Variants in CTNNA2 observed in about 807,000 individuals in gnomAD.
The protein encoded by CTNNA2 is catenin alpha-2.
In CTNNA2, 42 loss-of-function variants were observed where a neutral mutation model predicts 101.0. The observed-to-expected ratio is 0.42, with a 90% CI of 0.32 to 0.54. The LOEUF (loss-of-function observed/expected upper bound fraction) is 0.54. Among genes scored for constraint, CTNNA2 ranks in the 20% least tolerant of loss-of-function variants. The pLI is 0.14. For synonymous variants in CTNNA2, 450 were observed against 456.4 expected (o/e 0.99, Z 0.18); for missense variants, 871 against 1,223.1 (o/e 0.71, Z 4.29).
At chr2:80,406,702 C>T (rs1353738837) in intron 8 of CTNNA2, among the ~76,000 whole-genome samples, 2 of 151,378 alleles carry the variant, frequency 1.3e-5, no homozygotes, top group Non-Finnish European at 2.9e-5. Flanking sequence ...TGGCGGGCGC[C>T]TGTAGTCCCA....
chr2:79,842,009 T>G (rs1228215262), intron 3 of CTNNA2, among the ~76,000 whole-genome samples: 1 of 152,214 alleles, frequency 6.6e-6, no homozygotes, highest in African/African-American at 2.4e-5. Context: ...TCTCCTACTT[T>G]ATATATCCCT....
intron 1 of CTNNA2, among the ~76,000 whole-genome samples, chr2:79,517,665 C>T (rs1470372062): frequency 1.3e-5 from 2 of 151,964 alleles, no homozygotes; most frequent in African/African-American, 4.8e-5. Context: ...TTTTTATTTT[C>T]CTTATAAGTG....
At chr2:79,679,452 T>C (rs950059573) in intron 2 of CTNNA2, among the ~76,000 whole-genome samples, 1 of 152,044 alleles carries the variant, frequency 6.6e-6, no homozygotes, top group African/African-American at 2.4e-5. Flanking sequence ...AGATCCCAGG[T>C]GGCTCACACC....
chr2:79,337,179 A>T (rs1201340998), intron 3 of CTNNA2, among the ~76,000 whole-genome samples: 1 of 152,182 alleles, frequency 6.6e-6, no homozygotes, highest in African/African-American at 2.4e-5. Flanking sequence ...TCTGCAGCAA[A>T]GCCTTTGAGG....
At chr2:79,263,953 C>T (rs907131595) in intron 2 of CTNNA2, among the ~76,000 whole-genome samples, 1 of 152,140 alleles carries the variant, frequency 6.6e-6, no homozygotes, top group African/African-American at 2.4e-5. Flanking sequence ...AAAATCAGAA[C>T]ATCAAAATGC....
chr2:79,252,516 A>G (rs1674785862), intron 2 of CTNNA2, among the ~76,000 whole-genome samples: 1 of 152,108 alleles, frequency 6.6e-6, no homozygotes, highest in Non-Finnish European at 1.5e-5. Flanking sequence ...GTATAACTTG[A>G]TTTAGGTATA....
chr2:79,613,147 A>G (rs1385823307), intron 1 of CTNNA2, among the ~76,000 whole-genome samples: 1 of 139,590 alleles, frequency 7.2e-6, no homozygotes, highest in Non-Finnish European at 1.5e-5. Flanking sequence ...GTATGTTTAC[A>G]GTGTTTAACG....
rs549542007 is a variant in CTNNA2, at chr2:80,245,996, G to A, written c.1057-147215G>A. Among the ~76,000 whole-genome samples the A allele has an allele frequency of 3.2e-4, 48 of 151,670 alleles. No individual in the cohort carries two copies. In the South Asian group the frequency reaches 8.4e-3, roughly 27 times the overall value. Reference sequence around the variant, plus strand: ...TTTTTAGTAGAGACGGGGTGTCACCGTGTTAGCCAGGACGGTCTCGATCTC... The same window carrying A: ...TTTTTAGTAGAGACGGGGTGTCACCATGTTAGCCAGGACGGTCTCGATCTC... On this transcript the variant is annotated intron_variant, in intron 7 of 18. Coordinates refer to ENST00000402739, the MANE Select transcript of CTNNA2 (RefSeq NM_001282597.3).
chr2:80,332,464 A>G (rs1249497313), intron 7 of CTNNA2, among the ~76,000 whole-genome samples: 1 of 152,180 alleles, frequency 6.6e-6, no homozygotes, highest in Non-Finnish European at 1.5e-5. Context: ...CAAGTGATAA[A>G]CAAAAACTGG....
intron 7 of CTNNA2, among the ~76,000 whole-genome samples, chr2:80,331,236 G>A (rs553852337): frequency 6.6e-6 from 1 of 152,194 alleles, no homozygotes; most frequent in Admixed American, 6.5e-5. Context: ...TTATCACATC[G>A]GGCATGCGGT....
chr2:79,776,327 C>T (rs1206413721), intron 3 of CTNNA2, among the ~76,000 whole-genome samples: 2 of 152,018 alleles, frequency 1.3e-5, no homozygotes, highest in Non-Finnish European at 2.9e-5. Flanking sequence ...TGTGATTCTT[C>T]TTGGCATGAT....
At chr2:79,400,961 A>G (rs1678283784) in intron 4 of CTNNA2, among the ~76,000 whole-genome samples, 1 of 151,998 alleles carries the variant, frequency 6.6e-6, no homozygotes, top group Admixed American at 6.6e-5. Context: ...AGCAGAAACC[A>G]TGAAAAGAAA....
intron 7 of CTNNA2, among the ~76,000 whole-genome samples, chr2:80,123,264 T>A (rs905488958): frequency 6.6e-6 from 1 of 152,136 alleles, no homozygotes; most frequent in Admixed American, 6.6e-5. Flanking sequence ...AACCGGGTCG[T>A]CCTTACACCC....
At chr2:80,219,608 C>T (rs970278961) in intron 7 of CTNNA2, among the ~76,000 whole-genome samples, 20 of 152,098 alleles carry the variant, frequency 1.3e-4, no homozygotes, top group Admixed American at 2.6e-4. Context: ...CTCTGTAATA[C>T]CTGTAACACT....
At chr2:79,391,512 C>A (rs112300539) in intron 4 of CTNNA2, among the ~76,000 whole-genome samples, 7 of 152,154 alleles carry the variant, frequency 4.6e-5, no homozygotes, top group African/African-American at 1.7e-4. Context: ...TTCCAGCCAA[C>A]AGTAGGCTGT....
intron 2 of CTNNA2, among the ~76,000 whole-genome samples, chr2:79,679,122 A>G (rs372525462): frequency 2.8e-4 from 43 of 152,376 alleles, no homozygotes; most frequent in African/African-American, 1.0e-3. Flanking sequence ...AATTACTAAC[A>G]TTATAAAACT....
intron 2 of CTNNA2, among the ~76,000 whole-genome samples, chr2:79,203,509 G>C (rs1209431297): frequency 1.3e-5 from 2 of 152,188 alleles, no homozygotes; most frequent in African/African-American, 4.8e-5. Flanking sequence ...ATAAGACACA[G>C]TTTGCATATC....
At chr2:80,565,967 T>G (rs1007995860) in intron 12 of CTNNA2, among the ~76,000 whole-genome samples, 4 of 152,154 alleles carry the variant, frequency 2.6e-5, no homozygotes, top group Non-Finnish European at 5.9e-5. Flanking sequence ...TTACACATTT[T>G]CCTGGAACCA....
intron 7 of CTNNA2, among the ~76,000 whole-genome samples, chr2:80,095,342 A>T (rs1700076969): frequency 1.3e-5 from 2 of 152,218 alleles, no homozygotes. Context: ...CTTGCATCCC[A>T]GGGATGAAGC....
Sources: gnomAD v4.1 joint callset for allele counts (sites outside exome capture counted in the v4.1 genomes callset) on GRCh38, gnomAD v4.1.1 for gene constraint, MANE v1.5 for transcripts, NCBI Gene and HGNC (gene_info 2026-07-23, HGNC 2026-07-21) for gene names.